Variants in EXT1 observed in about 807,000 individuals in gnomAD.
EXT1 encodes the protein exostosin glycosyltransferase 1, also known as exostosin-1.
EXT1 carries 20 observed loss-of-function variants against 82.5 expected under a neutral mutation model. The ratio of observed to expected loss-of-function variants is 0.24; its 90% CI spans 0.17 to 0.35. EXT1 has a LOEUF of 0.35. Among genes scored for constraint, EXT1 ranks in the 10% least tolerant of loss-of-function variants. The pLI is 1.00. For missense variants in EXT1, 757 were observed against 936.5 expected, an observed-to-expected ratio of 0.81 and a Z score of 2.50; for synonymous variants, 348 against 350.8, an observed-to-expected ratio of 0.99 and a Z score of 0.09.
chr8:117,814,444 T>A (rs1811758950), intron 7 of EXT1, among the ~76,000 whole-genome samples: 1 of 152,080 alleles, frequency 6.6e-6, no homozygotes, highest in Non-Finnish European at 1.5e-5. Flanking sequence ...ATGTTGCAAG[T>A]CCTTCATATA....
At chr8:117,882,709 G>C (rs1216391069) in intron 1 of EXT1, among the ~76,000 whole-genome samples, 2 of 152,072 alleles carry the variant, frequency 1.3e-5, no homozygotes, top group Non-Finnish European at 2.9e-5. Context: ...AGGCACAGTG[G>C]CTCATGCCTG....
At chr8:117,946,207 T>C (rs1262387946) in intron 1 of EXT1, among the ~76,000 whole-genome samples, 2 of 152,158 alleles carry the variant, frequency 1.3e-5, no homozygotes, top group Non-Finnish European at 2.9e-5. Flanking sequence ...CCTAGATTAC[T>C]GTATTATGGA....
chr8:118,078,997 A>C (rs1163379132), intron 1 of EXT1, among the ~76,000 whole-genome samples: 2 of 152,222 alleles, frequency 1.3e-5, no homozygotes, highest in African/African-American at 2.4e-5. Context: ...AAGCACACAC[A>C]CTTAATGATT....
At chr8:117,848,143 T>C (rs563270422) in intron 1 of EXT1, among the ~76,000 whole-genome samples, 3 of 152,236 alleles carry the variant, frequency 2.0e-5, no homozygotes, top group Non-Finnish European at 2.9e-5. Flanking sequence ...TAGTTGTCTA[T>C]GGAAAGTTTA....
At chr8:117,914,616 G>A (rs993008249) in intron 1 of EXT1, among the ~76,000 whole-genome samples, 1 of 152,120 alleles carries the variant, frequency 6.6e-6, no homozygotes, top group Non-Finnish European at 1.5e-5. Flanking sequence ...CCTAGGGGGA[G>A]GTCTATAAAC....
intron 1 of EXT1, among the ~76,000 whole-genome samples, chr8:117,977,395 A>T (rs1175814485): frequency 2.0e-5 from 3 of 151,508 alleles, no homozygotes; most frequent in Non-Finnish European, 4.4e-5. Flanking sequence ...TCAAAATAAA[A>T]AAAAAAAAAA....
intron 1 of EXT1, among the ~76,000 whole-genome samples, chr8:117,990,562 A>G (rs544420796): frequency 6.6e-6 from 1 of 152,340 alleles, no homozygotes; most frequent in Admixed American, 6.5e-5. Context: ...GGCTGCTGCC[A>G]TAATGCTAAG....
chr8:118,111,377 G>A lies in EXT1; in HGVS notation c.-331C>T, dbSNP rs1554601615. On this transcript the variant is annotated 5_prime_UTR_variant, in exon 1 of 11. Coordinates refer to ENST00000378204, the MANE Select transcript of EXT1 (RefSeq NM_000127.3). Reference sequence around the variant, plus strand: ...CGGAGGAAAAGAAAGAGAGAGGGGAGAAAAAAAAAGCTCCCGATACCCAAT... The same window carrying A: ...CGGAGGAAAAGAAAGAGAGAGGGGAAAAAAAAAAAGCTCCCGATACCCAAT... 5.5e-6 allele frequency: 3 copies of A among 549,102 alleles called. No individual in the cohort carries two copies. Among genetic ancestry groups the A allele is most frequent in the Non-Finnish European group, 6.4e-6 (2 of 311,176 alleles). 34.0% of individuals were successfully genotyped at this position (549,102 alleles called of 1,614,324 possible).
intron 1 of EXT1, among the ~76,000 whole-genome samples, chr8:118,036,750 T>C (rs1586356372): frequency 6.6e-6 from 1 of 152,300 alleles, no homozygotes. Flanking sequence ...CCCTTCATTG[T>C]GTGTCTCTTA....
At chr8:118,029,425 T>C (rs909795604) in intron 1 of EXT1, among the ~76,000 whole-genome samples, 7 of 152,136 alleles carry the variant, frequency 4.6e-5, no homozygotes, top group Admixed American at 2.0e-4. Flanking sequence ...CATCTCTTTA[T>C]TAAATAAATT....
intron 1 of EXT1, among the ~76,000 whole-genome samples, chr8:118,007,593 AC>A (rs1815806170): frequency 6.6e-6 from 1 of 152,230 alleles, no homozygotes; most frequent in Non-Finnish European, 1.5e-5. Context: ...TGCGTGTTCC[AC>A]ACATGCATCC....
At chr8:117,897,019 T>C (rs1185195626) in intron 1 of EXT1, among the ~76,000 whole-genome samples, 1 of 152,146 alleles carries the variant, frequency 6.6e-6, no homozygotes, top group Non-Finnish European at 1.5e-5. Flanking sequence ...TGCCCCTACT[T>C]GACAGCTATT....
chr8:118,006,637 C>A (rs1335996024), intron 1 of EXT1, among the ~76,000 whole-genome samples: 1 of 152,308 alleles, frequency 6.6e-6, no homozygotes, highest in Non-Finnish European at 1.5e-5. Flanking sequence ...ATTATCCTAA[C>A]CCACTTCAGT....
chr8:117,834,403 G>A (rs1235776594), intron 3 of EXT1, among the ~76,000 whole-genome samples: 4 of 152,138 alleles, frequency 2.6e-5, no homozygotes, highest in East Asian at 3.9e-4. Flanking sequence ...TTAGAAGTTC[G>A]AGAACAGCAT....
At chr8:118,101,949 A>AG (rs1817726320) in intron 1 of EXT1, among the ~76,000 whole-genome samples, 1 of 150,978 alleles carries the variant, frequency 6.6e-6, no homozygotes, top group African/African-American at 2.4e-5. Context: ...ATTTCTAATG[A>AG]GGAAAAAAAA....
chr8:117,832,528 A>AAAAAAAG (rs550383383), intron 3 of EXT1, among the ~76,000 whole-genome samples: 15 of 151,302 alleles, frequency 9.9e-5, no homozygotes, highest in Non-Finnish European at 2.2e-4. Context: ...CTTAAAAAAA[A>AAAAAAAG]AAAAGAAAAG....
chr8:118,042,723 T>C lies in EXT1; in HGVS notation c.962+67362A>G, dbSNP rs542964640. Among the ~76,000 whole-genome samples, 88 of 152,332 alleles carry C rather than the reference T, an allele frequency of 5.8e-4. No individual in the cohort carries two copies. In the South Asian group the frequency reaches 0.016, roughly 28 times the overall value. ...TCCATTCAACTTATATCTCCATTCA[T>C]ACTTAAAGACCAAGTTCGTACAACA... On this transcript the variant is annotated intron_variant, in intron 1 of 10. Coordinates refer to ENST00000378204, the MANE Select transcript of EXT1 (RefSeq NM_000127.3).
At chr8:117,843,603 T>G (rs944464729) in intron 1 of EXT1, among the ~76,000 whole-genome samples, 1 of 152,106 alleles carries the variant, frequency 6.6e-6, no homozygotes, top group Admixed American at 6.5e-5. Context: ...TACTGGTGGG[T>G]TGCCACTAGG....
chr8:117,855,711 C>G (rs891320555), intron 1 of EXT1, among the ~76,000 whole-genome samples: 1 of 152,222 alleles, frequency 6.6e-6, no homozygotes, highest in African/African-American at 2.4e-5. Flanking sequence ...CACTGTCACC[C>G]TGGCTGGAGG....
Sources: allele counts gnomAD v4.1 joint callset (sites outside exome capture counted in the v4.1 genomes callset), GRCh38; gene constraint gnomAD v4.1.1; transcripts MANE v1.5; gene names NCBI Gene and HGNC (gene_info 2026-07-23, HGNC 2026-07-21).